GPC5: variants seen among roughly 807,000 people sequenced by gnomAD.
GPC5 encodes the protein glypican 5.
Under a neutral mutation model 53.9 loss-of-function variants are expected in GPC5, and 47 were observed. The observed-to-expected ratio is 0.87, with a 90% confidence interval of 0.69 to 1.11. The LOEUF is 1.11. Ranked by LOEUF, GPC5 falls within the 50% of genes most tolerant of loss-of-function variation. The pLI is 0.00. For missense variants in GPC5, 748 were observed against 713.1 expected (o/e 1.05, Z -0.56); for synonymous variants, 286 against 263.3 (o/e 1.09, Z -0.84).
At chr13:91,867,871 C>T (rs1018622116) in intron 5 of GPC5, among the ~76,000 whole-genome samples, 3 of 152,116 alleles carry the variant, frequency 2.0e-5, no homozygotes, top group Admixed American at 6.5e-5. Context: ...ACTGGAAATG[C>T]TGTCTGATAA....
chr13:91,749,330 A>G (rs537041251), intron 4 of GPC5, among the ~76,000 whole-genome samples: 1 of 152,330 alleles, frequency 6.6e-6, no homozygotes, highest in African/African-American at 2.4e-5. Context: ...CTCCACTTCC[A>G]TCAATGTTGC....
intron 7 of GPC5, among the ~76,000 whole-genome samples, chr13:92,662,144 C>T (rs559037080): frequency 1.3e-5 from 2 of 152,270 alleles, no homozygotes; most frequent in East Asian, 1.9e-4. Flanking sequence ...TGCCCCCAGC[C>T]CATCGTAATA....
intron 7 of GPC5, among the ~76,000 whole-genome samples, chr13:92,315,268 T>C (rs549831110): frequency 5.9e-5 from 9 of 152,176 alleles, no homozygotes; most frequent in Non-Finnish European, 1.2e-4. Flanking sequence ...ACTAAAGTAA[T>C]AGCAGTGGGA....
intron 7 of GPC5, among the ~76,000 whole-genome samples, chr13:92,818,277 T>TG (rs1433813737): frequency 6.6e-6 from 1 of 152,044 alleles, no homozygotes; most frequent in Non-Finnish European, 1.5e-5. Flanking sequence ...CCCAAAGTGC[T>TG]GGCATTACAG....
At chr13:91,557,013 T>G (rs1337028419) in intron 2 of GPC5, among the ~76,000 whole-genome samples, 4 of 152,024 alleles carry the variant, frequency 2.6e-5, no homozygotes, top group Non-Finnish European at 5.9e-5. Context: ...CTATGATCGT[T>G]TGTTTACAGG....
chr13:92,218,952 A>T lies in GPC5; in HGVS notation c.1561+73963A>T, dbSNP rs185860026. ...ATTAACTCTGACTTTGAAAACCACA[A>T]TAAAATTATATCATCCTCAGGCCCA... On this transcript the variant is annotated intron_variant, in intron 7 of 7. Coordinates refer to ENST00000377067, the MANE Select transcript of GPC5 (RefSeq NM_004466.6). Among the ~76,000 whole-genome samples the T allele has an allele frequency of 4.6e-3, 708 of 152,304 alleles. 11 individuals carry two copies. The highest frequency in any genetic ancestry group is 0.04 in the Admixed American group (608 of 15,298).
chr13:92,447,314 G>T (rs1337591991), intron 7 of GPC5: 1 of 152,080 alleles, frequency 6.6e-6, no homozygotes, highest in Non-Finnish European at 1.5e-5. Flanking sequence ...TTTGGTAAAT[G>T]TTGAGAGATA....
chr13:91,881,633 G>A lies in GPC5; in HGVS notation c.1281-26304G>A, dbSNP rs114304140. 7.7e-3 allele frequency among the ~76,000 whole-genome samples: 1,177 copies of A among 152,098 alleles called. 13 individuals carry two copies. Among genetic ancestry groups the A allele is most frequent in the African/African-American group, 0.027 (1,139 of 41,466 alleles). ...TTATTAAATTTTCAGCATTAACTTG[G>A]AATATTAAACATGGTTCCAAGGACC... On this transcript the variant is annotated intron_variant, in intron 5 of 7. Coordinates refer to ENST00000377067, the MANE Select transcript of GPC5 (RefSeq NM_004466.6).
intron 7 of GPC5, among the ~76,000 whole-genome samples, chr13:92,421,624 T>A (rs1169570692): frequency 7.3e-6 from 1 of 137,702 alleles, no homozygotes; most frequent in Admixed American, 8.4e-5. Context: ...GCGTGAACCC[T>A]GGAGGAGGAG....
chr13:91,569,547 A>AC (rs1366219319), intron 2 of GPC5, among the ~76,000 whole-genome samples: 1 of 152,094 alleles, frequency 6.6e-6, no homozygotes, highest in Non-Finnish European at 1.5e-5. Flanking sequence ...AGGTGGTATA[A>AC]CCCCCAATGA....
At chr13:91,826,231 A>G (rs892747146) in intron 5 of GPC5, among the ~76,000 whole-genome samples, 9 of 152,072 alleles carry the variant, frequency 5.9e-5, no homozygotes, top group African/African-American at 2.2e-4. Context: ...AAGACTTTAA[A>G]GCAGTCATAT....
At chr13:92,552,857 G>A (rs1279690488) in intron 7 of GPC5, among the ~76,000 whole-genome samples, 1 of 151,830 alleles carries the variant, frequency 6.6e-6, no homozygotes, top group Non-Finnish European at 1.5e-5. Context: ...TTGCTAATTT[G>A]AAACTTCTAT....
intron 7 of GPC5, among the ~76,000 whole-genome samples, chr13:92,342,223 G>A (rs532987772): frequency 6.6e-6 from 1 of 152,150 alleles, no homozygotes; most frequent in South Asian, 2.1e-4. Context: ...GGTGCCCACT[G>A]CTCTGAGCTC....
At chr13:91,893,909 A>C (rs1164386419) in intron 5 of GPC5, among the ~76,000 whole-genome samples, 1 of 151,420 alleles carries the variant, frequency 6.6e-6, no homozygotes, top group Non-Finnish European at 1.5e-5. Flanking sequence ...TATTTTACTT[A>C]ACTAGTCTAT....
At chr13:91,895,495 A>G (rs1264838057) in intron 5 of GPC5, among the ~76,000 whole-genome samples, 1 of 152,178 alleles carries the variant, frequency 6.6e-6, no homozygotes, top group African/African-American at 2.4e-5. Context: ...TTTTTTGTGT[A>G]AGGCTACAAA....
At chr13:92,123,533 T>C (rs1244290778) in intron 6 of GPC5, among the ~76,000 whole-genome samples, 1 of 152,188 alleles carries the variant, frequency 6.6e-6, no homozygotes, top group East Asian at 1.9e-4. Flanking sequence ...TTTACAAGTT[T>C]GGACTTGCAA....
At chr13:91,508,584 TTTA>T (rs1269765794) in intron 2 of GPC5, among the ~76,000 whole-genome samples, 7 of 152,274 alleles carry the variant, frequency 4.6e-5, no homozygotes, top group Admixed American at 3.3e-4. Flanking sequence ...TGAAGTTCTA[TTTA>T]TTAAGTGCCT....
chr13:91,426,618 A>C (rs1167828104), intron 1 of GPC5, among the ~76,000 whole-genome samples: 1 of 152,126 alleles, frequency 6.6e-6, no homozygotes, highest in Non-Finnish European at 1.5e-5. Context: ...CAAGAGTCCA[A>C]AAGCTGAATA....
rs1831421 is a variant in GPC5, at chr13:91,964,054, G to A, written c.1401+55997G>A. On this transcript the variant is annotated intron_variant, in intron 6 of 7. Transcript: ENST00000377067. ...TTCAAGAATGAAGCCATGGACTCTC[G>A]CGGTGTTACAGTTCTTAAAGATGGT... 3.0e-3 allele frequency among the ~76,000 whole-genome samples: 455 copies of A among 152,130 alleles called. 3 individuals carry two copies. The highest frequency in any genetic ancestry group is 0.01 in the African/African-American group (426 of 41,498).
Sources: gnomAD v4.1 joint callset for allele counts (sites outside exome capture counted in the v4.1 genomes callset) on GRCh38, gnomAD v4.1.1 for gene constraint, MANE v1.5 for transcripts, NCBI Gene and HGNC (gene_info 2026-07-23, HGNC 2026-07-21) for gene names.